Variants in PURG observed in about 807,000 individuals in gnomAD.
The protein encoded by PURG is purine-rich element-binding protein gamma.
Under a neutral mutation model 24.3 loss-of-function variants are expected in PURG, and 3 were observed. That is an observed-to-expected ratio of 0.12 (90% CI 0.06 to 0.32). PURG has a LOEUF of 0.32. Among genes scored for constraint, PURG ranks in the 10% least tolerant of loss-of-function variants. PURG has a pLI of 1.00. For missense variants in PURG, 371 were observed against 439.1 expected (o/e 0.84, Z 1.39); for synonymous variants, 180 against 173.1 (o/e 1.04, Z -0.31).
At chr8:31,017,388 T>C (rs997385939) in intron 1 of PURG, among the ~76,000 whole-genome samples, 4 of 149,458 alleles carry the variant, frequency 2.7e-5, no homozygotes, top group Admixed American at 6.8e-5. Context: ...TAATATATAT[T>C]ACACATACTC....
chr8:31,015,986 G>A (rs760735104), intron 1 of PURG, among the ~76,000 whole-genome samples: 6 of 152,142 alleles, frequency 3.9e-5, no homozygotes, highest in Non-Finnish European at 7.4e-5. Context: ...CTGCCAAGTC[G>A]AGGCTGCAGT....
At chr8:31,029,678 T>C (rs1222940060), downstream of PURG, among the ~76,000 whole-genome samples, 1 of 151,836 alleles carries the variant, frequency 6.6e-6, no homozygotes, top group African/African-American at 2.4e-5. Flanking sequence ...TACTAGAATA[T>C]TCACAGCTCC....
At chr8:31,015,394 T>C (rs1585360220) in intron 1 of PURG, among the ~76,000 whole-genome samples, 2 of 152,250 alleles carry the variant, frequency 1.3e-5, no homozygotes, top group Non-Finnish European at 2.9e-5. Flanking sequence ...AAGTGAGGCA[T>C]TCAAAGATTA....
At position 31,031,826 on chromosome 8, in the gene PURG, T is replaced by C; in HGVS notation, c.957A>G (p.Glu319=). ...RFGENFIKYE[E]EMRKICNSHK... ...GGCTGTTGCAAATTTTCCTCATCTC[T>C]TCTTCATACTTGATAAAATTCTCCC... Residue 319 remains glutamate (E), a synonymous_variant, in exon 2 of 2, where the codon GAA becomes GAG. Transcript: ENST00000523392. 5 of 1,575,600 alleles carry C rather than the reference T, an allele frequency of 3.2e-6. No homozygotes were observed. The highest frequency in any genetic ancestry group is 4.3e-6 in the Non-Finnish European group (5 of 1,159,312).
chr8:31,032,172 C>A lies in PURG; in HGVS notation c.611G>T (p.Arg204Leu), dbSNP rs1311927652. 1.2e-6 allele frequency: 2 copies of A among 1,614,158 alleles called. No homozygotes were observed. The highest frequency in any genetic ancestry group is 1.7e-6 in the Non-Finnish European group (2 of 1,180,018). The change falls in exon 2 of 2, where the codon CGG becomes CTG. Residue 204 changes from arginine to leucine, a missense_variant. By Grantham distance (102) the Arg-to-Leu change is moderately radical. Around this residue, in one of 5 missense-constraint regions of PURG, gnomAD observed 41 missense variants for 29.8 expected, o/e 1.38. Transcript: ENST00000523392. The surrounding 1 kb of genome is among the most constrained non-coding windows in gnomAD (Gnocchi z 5.9). Reference protein sequence around the residue: ...RFLRIRQTMMRGTGMIGYFGH... With the variant: ...RFLRIRQTMMLGTGMIGYFGH... ...AAAATAACCTATCATGCCAGTCCCCCGCATCATGGTTTGTCTAATCCGTAG... is the reference window on the plus strand; with the variant it reads ...AAAATAACCTATCATGCCAGTCCCCAGCATCATGGTTTGTCTAATCCGTAG...
chr8:31,003,315 C>T (rs777386456), intron 1 of PURG, among the ~76,000 whole-genome samples: 19 of 151,994 alleles, frequency 1.3e-4, no homozygotes, highest in East Asian at 1.9e-4. Context: ...ATTTCAAGAA[C>T]GGGAATAATC....
rs1409225674 is a variant in PURG, at chr8:31,033,287, G to A, written c.-216C>T. The A allele has an allele frequency of 4.4e-5, 7 of 160,880 alleles. No individual in the cohort carries two copies. The South Asian group carries it at 1.2e-3, about 28-fold the overall frequency. 10.0% of individuals were successfully genotyped at this position (160,880 alleles called of 1,614,324 possible). ...CAGCCGCCCCTCCTGCGGCCGCTGC[G>A]GGGGCCGCCGCCTGACTTCGGACAC... is the stretch of plus-strand genomic sequence containing the variant. On this transcript the variant is annotated 5_prime_UTR_variant, in exon 1 of 2. Coordinates refer to ENST00000523392, the MANE Select transcript of PURG (RefSeq NM_001323311.2).
intron 1 of PURG, among the ~76,000 whole-genome samples, chr8:31,022,220 C>G (rs1277704812): frequency 4.6e-5 from 7 of 152,202 alleles, no homozygotes; most frequent in African/African-American, 1.7e-4. Flanking sequence ...ATCCGCCCGC[C>G]TTGGCCTCCC....
intron 1 of PURG, among the ~76,000 whole-genome samples, chr8:31,015,749 CTG>C (rs1373949232): frequency 6.6e-6 from 1 of 152,136 alleles, no homozygotes; most frequent in African/African-American, 2.4e-5. Context: ...TTTAGCCTCT[CTG>C]TGTTTAAAGT....
intron 1 of PURG, among the ~76,000 whole-genome samples, chr8:31,018,840 TTATAGA>T (rs1810922462): frequency 6.6e-6 from 1 of 151,926 alleles, no homozygotes; most frequent in Admixed American, 6.6e-5. Context: ...TTATATATAG[TTATAGA>T]TATTATATAG....
At chr8:31,003,739 G>T (rs1392187670) in intron 1 of PURG, among the ~76,000 whole-genome samples, 5 of 151,868 alleles carry the variant, frequency 3.3e-5, no homozygotes, top group Admixed American at 1.3e-4. Context: ...TCCAGCCTGG[G>T]TGACAGAGCA....
chr8:31,014,556 C>A (rs1040627864), intron 1 of PURG, among the ~76,000 whole-genome samples: 6 of 152,128 alleles, frequency 3.9e-5, no homozygotes, highest in Admixed American at 3.3e-4. Flanking sequence ...CAGAAAAATA[C>A]ATTTTTATTT....
At chr8:31,012,540 G>A (rs371053333) in intron 1 of PURG, among the ~76,000 whole-genome samples, 21 of 152,164 alleles carry the variant, frequency 1.4e-4, no homozygotes, top group African/African-American at 4.3e-4. Context: ...GATGAGAGAC[G>A]AAACCAAGGG....
At chr8:31,007,260 T>C (rs901830846) in intron 1 of PURG, among the ~76,000 whole-genome samples, 29 of 152,116 alleles carry the variant, frequency 1.9e-4, no homozygotes, top group Admixed American at 1.8e-3. Flanking sequence ...AGTTCAAATA[T>C]GAAAGAGGAA....
At chr8:30,999,868 AG>A in intron 1 of PURG, among the ~76,000 whole-genome samples, 1 of 152,040 alleles carries the variant, frequency 6.6e-6, no homozygotes, top group South Asian at 2.1e-4. Context: ...AATACTATAT[AG>A]TCAAAGCATT....
chr8:31,002,729 T>C (rs968374250), intron 1 of PURG, among the ~76,000 whole-genome samples: 1 of 152,102 alleles, frequency 6.6e-6, no homozygotes, highest in Non-Finnish European at 1.5e-5. Flanking sequence ...GGTGATCCAC[T>C]TGCCTCGGCC....
At chr8:31,007,517 A>G (rs942223599) in intron 1 of PURG, among the ~76,000 whole-genome samples, 1 of 152,252 alleles carries the variant, frequency 6.6e-6, no homozygotes, top group African/African-American at 2.4e-5. Context: ...AATGACGTCT[A>G]TATAATCTCA....
chr8:31,012,434 C>T (rs1283817181), intron 1 of PURG, among the ~76,000 whole-genome samples: 1 of 151,928 alleles, frequency 6.6e-6, no homozygotes, highest in Non-Finnish European at 1.5e-5. Flanking sequence ...GGGAACTGGG[C>T]AAATTAGGCA....
rs1209321395 is a variant in PURG, at chr8:31,031,818, C to A, written c.965G>T (p.Arg322Met). 1 of 1,565,972 alleles carries A rather than the reference C, an allele frequency of 6.4e-7. No homozygotes were observed. Among genetic ancestry groups the A allele is most frequent in the African/African-American group, 1.4e-5 (1 of 73,652 alleles). ...TTCTTTATGGCTGTTGCAAATTTTC[C>A]TCATCTCTTCTTCATACTTGATAAA... is the stretch of plus-strand genomic sequence containing the variant. ...ENFIKYEEEM[R>M]KICNSHKEKR... Residue 322 changes from arginine (R) to methionine (M), a missense_variant, in exon 2 of 2, where the codon AGG (arginine) becomes ATG (methionine). Arg to Met is a moderately conservative substitution (Grantham distance 91). Transcript: ENST00000523392.
Sources: gnomAD v4.1 joint callset for allele counts (sites outside exome capture counted in the v4.1 genomes callset) on GRCh38, gnomAD v4.1.1 for gene constraint, gnomAD v4.1.1 regional missense constraint, Gnocchi (gnomAD v3.1) non-coding constraint, MANE v1.5 for transcripts, NCBI Gene and HGNC (gene_info 2026-07-23, HGNC 2026-07-21) for gene names.